Variants in AGBL4 observed in about 807,000 individuals in gnomAD.
AGBL4 encodes the protein AGBL carboxypeptidase 4, also known as cytosolic carboxypeptidase 6.
Under a neutral mutation model 66.4 loss-of-function variants are expected in AGBL4, and 58 were observed. That is an observed-to-expected ratio of 0.87 (90% CI 0.71 to 1.09). The LOEUF (loss-of-function observed/expected upper bound fraction) is 1.09, where lower values mean the gene tolerates loss of function less well. Among genes scored for constraint, AGBL4 ranks in the 50% least tolerant of loss-of-function variants. AGBL4 has a pLI of 0.00. For synonymous variants in AGBL4, 234 were observed against 222.9 expected (o/e 1.05, Z -0.44); for missense variants, 579 against 631.0 (o/e 0.92, Z 0.88).
chr1:49,188,645 T>G (rs1326706387), intron 4 of AGBL4, among the ~76,000 whole-genome samples: 1 of 152,028 alleles, frequency 6.6e-6, no homozygotes, highest in Admixed American at 6.6e-5. Context: ...GCTTCTTACT[T>G]GAAAGGAGCA....
chr1:48,743,523 G>A (rs1650262431), intron 6 of AGBL4, among the ~76,000 whole-genome samples: 1 of 152,160 alleles, frequency 6.6e-6, no homozygotes, highest in African/African-American at 2.4e-5. Flanking sequence ...GGGTAAATAA[G>A]GCCAAATGAC....
Position 48,542,521 on chromosome 1 carries a change from A to C in AGBL4, c.1268-2783T>G, listed in dbSNP as rs201603371. Among the ~76,000 whole-genome samples the C allele has an allele frequency of 2.0e-4, 31 of 152,280 alleles. No homozygotes were observed. The East Asian group carries it at 5.4e-3, about 27-fold the overall frequency. On this transcript the variant is annotated intron_variant, in intron 11 of 13. Coordinates refer to ENST00000371839, the MANE Select transcript of AGBL4 (RefSeq NM_032785.4). ...AGCATCTGTTGTTTCCTGACTTTTT[A>C]ACGATCGCCATTCTAACTGGCGTGA...
chr1:48,960,616 A>C (rs533690100), intron 5 of AGBL4, among the ~76,000 whole-genome samples: 3 of 152,340 alleles, frequency 2.0e-5, no homozygotes, highest in Admixed American at 6.5e-5. Context: ...AAAGAGAATT[A>C]AAAGTGGTTT....
intron 1 of AGBL4, among the ~76,000 whole-genome samples, chr1:49,959,129 G>T (rs1177615236): frequency 6.6e-6 from 1 of 151,880 alleles, no homozygotes; most frequent in Non-Finnish European, 1.5e-5. Context: ...GAATGGAAAG[G>T]AAGGTCAGGA....
At chr1:49,325,505 TA>T (rs1169295857) in intron 3 of AGBL4, among the ~76,000 whole-genome samples, 2 of 152,240 alleles carry the variant, frequency 1.3e-5, no homozygotes, top group Admixed American at 6.5e-5. Context: ...ACTGTTGTTT[TA>T]AAACAGTCAA....
At chr1:49,585,375 A>G (rs1313263552) in intron 3 of AGBL4, among the ~76,000 whole-genome samples, 2 of 152,172 alleles carry the variant, frequency 1.3e-5, no homozygotes, top group East Asian at 3.9e-4. Flanking sequence ...AAACAGCTAT[A>G]TTGGAAAAGC....
At chr1:49,767,507 G>C (rs1215663910) in intron 2 of AGBL4, among the ~76,000 whole-genome samples, 2 of 151,838 alleles carry the variant, frequency 1.3e-5, no homozygotes, top group East Asian at 1.9e-4. Flanking sequence ...CAAGAAGTTA[G>C]ATAAGTCACA....
At chr1:49,941,092 T>C (rs1654713745) in intron 1 of AGBL4, among the ~76,000 whole-genome samples, 1 of 152,060 alleles carries the variant, frequency 6.6e-6, no homozygotes, top group Non-Finnish European at 1.5e-5. Flanking sequence ...CCTAGACATA[T>C]ACAACCTACC....
chr1:49,963,647 C>T (rs2148347970), intron 1 of AGBL4, among the ~76,000 whole-genome samples: 1 of 152,220 alleles, frequency 6.6e-6, no homozygotes, highest in South Asian at 2.1e-4. Flanking sequence ...GAAAATAACA[C>T]TGAATTCAGG....
intron 6 of AGBL4, chr1:48,817,460 A>C (rs1232620013): frequency 6.6e-6 from 1 of 152,284 alleles, no homozygotes; most frequent in East Asian, 1.9e-4. Context: ...TTTATTTATC[A>C]AATGGGTGTG....
intron 1 of AGBL4, among the ~76,000 whole-genome samples, chr1:50,004,787 A>AG (rs1428763072): frequency 6.6e-6 from 1 of 152,160 alleles, no homozygotes; most frequent in Non-Finnish European, 1.5e-5. Flanking sequence ...AGTGGGCCTT[A>AG]GGTGAGAATC....
intron 5 of AGBL4, among the ~76,000 whole-genome samples, chr1:48,991,051 T>C (rs2148978012): frequency 6.6e-6 from 1 of 152,346 alleles, no homozygotes; most frequent in East Asian, 1.9e-4. Flanking sequence ...GTGTACTTAC[T>C]GTTACCAATG....
chr1:48,769,993 C>G (rs1045292376), intron 6 of AGBL4, among the ~76,000 whole-genome samples: 20 of 152,154 alleles, frequency 1.3e-4, no homozygotes, highest in African/African-American at 4.8e-4. Flanking sequence ...TCCCATAGTG[C>G]AGGGTTCCAT....
intron 4 of AGBL4, among the ~76,000 whole-genome samples, chr1:49,094,520 C>A (rs1645057294): frequency 6.6e-6 from 1 of 152,264 alleles, no homozygotes; most frequent in African/African-American, 2.4e-5. Flanking sequence ...ACTAGCCTTG[C>A]ATCCCAGGGA....
At chr1:49,952,174 A>G (rs1168176678) in intron 1 of AGBL4, among the ~76,000 whole-genome samples, 1 of 151,910 alleles carries the variant, frequency 6.6e-6, no homozygotes, top group African/African-American at 2.4e-5. Context: ...GTATAACCCA[A>G]TTTGAAAAAA....
At chr1:49,825,854 TAC>T (rs141160951) in intron 2 of AGBL4, among the ~76,000 whole-genome samples, 18 of 147,984 alleles carry the variant, frequency 1.2e-4, no homozygotes, top group Non-Finnish European at 1.5e-4. Flanking sequence ...CACTCACACA[TAC>T]ACACACACAC....
intron 4 of AGBL4, among the ~76,000 whole-genome samples, chr1:49,087,076 A>G (rs938543262): frequency 6.6e-6 from 1 of 151,984 alleles, no homozygotes; most frequent in Non-Finnish European, 1.5e-5. Flanking sequence ...ACCACCAACA[A>G]AAAAACACAC....
chr1:49,425,533 A>G (rs1172336390), intron 3 of AGBL4, among the ~76,000 whole-genome samples: 1 of 152,208 alleles, frequency 6.6e-6, no homozygotes, highest in Non-Finnish European at 1.5e-5. Flanking sequence ...TTCTTATTCT[A>G]GCTCAATACT....
At chr1:49,818,782 C>T (rs1645294226) in intron 2 of AGBL4, among the ~76,000 whole-genome samples, 1 of 152,154 alleles carries the variant, frequency 6.6e-6, no homozygotes, top group South Asian at 2.1e-4. Flanking sequence ...ATGGGAAGAA[C>T]AAGGCCCAGA....
Sources: gnomAD v4.1 joint callset for allele counts (sites outside exome capture counted in the v4.1 genomes callset) on GRCh38, gnomAD v4.1.1 for gene constraint, MANE v1.5 for transcripts, NCBI Gene and HGNC (gene_info 2026-07-23, HGNC 2026-07-21) for gene names.